TXNL4A: variants seen among roughly 807,000 people sequenced by gnomAD.
The protein encoded by TXNL4A is thioredoxin-like protein 4A.
A neutral mutation model predicts 14.6 loss-of-function variants in TXNL4A; 17 were observed. The ratio of observed to expected loss-of-function variants is 1.16; its 90% CI spans 0.80 to 1.74. The LOEUF (loss-of-function observed/expected upper bound fraction) is 1.74. Ranked by LOEUF, TXNL4A falls within the 40% of genes most tolerant of loss-of-function variation. TXNL4A has a pLI of 0.00. For synonymous variants in TXNL4A, 83 were observed against 70.6 expected, an observed-to-expected ratio of 1.18 and a Z score of -0.88; for missense variants, 74 against 195.2, an observed-to-expected ratio of 0.38 and a Z score of 3.70.
chr18:80,028,734 G>A (rs1462234553), intron 1 of TXNL4A, among the ~76,000 whole-genome samples: 3 of 152,194 alleles, frequency 2.0e-5, no homozygotes, highest in Non-Finnish European at 2.9e-5. Flanking sequence ...AAAATACAAG[G>A]CTGCAAACAT....
chr18:80,033,216 T>TGCACACATATACATGTCC (rs1360143415), intron 1 of TXNL4A, among the ~76,000 whole-genome samples: 2 of 151,986 alleles, frequency 1.3e-5, no homozygotes, highest in African/African-American at 4.8e-5. Context: ...CGCACGCACA[T>TGCACACATATACATGTCC]GCACACATAT....
At chr18:79,977,880 T>C (rs1376043057) in intron 1 of TXNL4A, 179 bp from the exon 2 acceptor site, 8 of 582,998 alleles carry the variant, frequency 1.4e-5, no homozygotes, top group South Asian at 1.1e-4. Flanking sequence ...ATCAGCTCAC[T>C]GCAGCCTCGA....
At chr18:79,975,804 T>C (rs1365081916) in intron 2 of TXNL4A, among the ~76,000 whole-genome samples, 10 of 151,180 alleles carry the variant, frequency 6.6e-5, no homozygotes, top group Non-Finnish European at 1.3e-4. Flanking sequence ...GATATTTAGC[T>C]GCGGAAACTT....
chr18:79,977,030 G>A (rs1307111092), intron 2 of TXNL4A, among the ~76,000 whole-genome samples: 1 of 151,742 alleles, frequency 6.6e-6, no homozygotes, highest in Non-Finnish European at 1.5e-5. Flanking sequence ...GCATGATCTC[G>A]GCTAACTGCA....
intron 1 of TXNL4A, among the ~76,000 whole-genome samples, chr18:80,001,700 T>C (rs1966075563): frequency 6.6e-6 from 1 of 152,216 alleles, no homozygotes; most frequent in Admixed American, 6.5e-5. Context: ...CGGACTTGCA[T>C]GGGCCTTTAG....
chr18:80,026,510 T>C (rs1270353780), intron 1 of TXNL4A, among the ~76,000 whole-genome samples: 1 of 152,184 alleles, frequency 6.6e-6, no homozygotes, highest in Non-Finnish European at 1.5e-5. Context: ...GGGAGATTAA[T>C]ATAATAACCA....
At chr18:79,991,005 G>C (rs2051624195), upstream of TXNL4A, among the ~76,000 whole-genome samples, 1 of 151,846 alleles carries the variant, frequency 6.6e-6, no homozygotes, top group African/African-American at 2.4e-5. Context: ...CTACTCGGGA[G>C]GCTGAGGCAG....
chr18:80,000,154 T>C (rs1356245116), intron 1 of TXNL4A, among the ~76,000 whole-genome samples: 1 of 152,182 alleles, frequency 6.6e-6, no homozygotes, highest in Non-Finnish European at 1.5e-5. Context: ...GAAGTAACTT[T>C]GGAACTGGGT....
intron 1 of TXNL4A, among the ~76,000 whole-genome samples, chr18:80,010,409 G>A (rs1334991009): frequency 2.6e-5 from 4 of 152,186 alleles, no homozygotes; most frequent in Admixed American, 6.5e-5. Flanking sequence ...ATGAAGCGAT[G>A]ATTCACAGAG....
In TXNL4A at chr18:79,998,403, G is replaced by A. The variant is rs556346286; in HGVS notation, c.-60-20702C>T. On this transcript the variant is annotated intron_variant, in intron 1 of 2. Coordinates refer to the TXNL4A transcript ENST00000585474. ...TGATCCTGCCTTGTGGAGTCCTGAG[G>A]GACAATCAGCTGTACAACAAATAAA... Among the ~76,000 whole-genome samples, 5 of 152,266 alleles carry A rather than the reference G, an allele frequency of 3.3e-5. No homozygotes were observed. The East Asian group carries it at 5.8e-4, about 18-fold the overall frequency.
intron 1 of TXNL4A, among the ~76,000 whole-genome samples, chr18:79,984,364 T>C (rs2051511260): frequency 6.6e-6 from 1 of 151,736 alleles, no homozygotes; most frequent in Non-Finnish European, 1.5e-5. Flanking sequence ...GAGGCTGAGG[T>C]GACTGGCTCA....
At chr18:80,028,145 C>T (rs1194317580) in intron 1 of TXNL4A, among the ~76,000 whole-genome samples, 1 of 150,416 alleles carries the variant, frequency 6.6e-6, no homozygotes, top group Non-Finnish European at 1.5e-5. Flanking sequence ...ATCCAGGGTA[C>T]TGATCCAGAA....
intron 1 of TXNL4A, among the ~76,000 whole-genome samples, chr18:80,014,429 T>TA (rs2051792840): frequency 6.6e-6 from 1 of 152,186 alleles, no homozygotes; most frequent in South Asian, 2.1e-4. Context: ...ACAAAGGGGT[T>TA]ACAGGACCCA....
chr18:80,007,810 A>C (rs186645562), intron 1 of TXNL4A, among the ~76,000 whole-genome samples: 2 of 152,128 alleles, frequency 1.3e-5, no homozygotes, highest in Non-Finnish European at 2.9e-5. Context: ...GATTACTTCT[A>C]AATTCCCCAG....
At chr18:80,005,324 T>A (rs2051722708) in intron 1 of TXNL4A, among the ~76,000 whole-genome samples, 1 of 152,192 alleles carries the variant, frequency 6.6e-6, no homozygotes, top group African/African-American at 2.4e-5. Context: ...CAAGCTCCCC[T>A]GGGGGGAGAA....
intron 1 of TXNL4A, among the ~76,000 whole-genome samples, chr18:79,998,407 A>G (rs974542560): frequency 3.9e-5 from 6 of 152,216 alleles, no homozygotes; most frequent in African/African-American, 1.4e-4. Context: ...CCTGAGGGAC[A>G]ATCAGCTGTA....
At position 79,998,703 on chromosome 18, in the gene TXNL4A, C is replaced by T. The variant is rs531978011; in HGVS notation, c.-60-21002G>A. ...CCTTACCATTTCTGTGCCACATTCT[C>T]CTGAGACCCTTCTAAACTCTCATCA... On this transcript the variant is annotated intron_variant, in intron 1 of 2. Transcript: ENST00000585474. 2.0e-5 allele frequency among the ~76,000 whole-genome samples: 3 copies of T among 149,478 alleles called. No homozygotes were observed. In the South Asian group the frequency reaches 6.6e-4, roughly 33 times the overall value.
intron 1 of TXNL4A, among the ~76,000 whole-genome samples, chr18:80,003,545 G>T (rs930694128): frequency 6.6e-6 from 1 of 151,938 alleles, no homozygotes; most frequent in Non-Finnish European, 1.5e-5. Flanking sequence ...TAATTTTTTT[G>T]TTGTTGTTAA....
chr18:80,024,822 T>C (rs1175912922), intron 1 of TXNL4A, among the ~76,000 whole-genome samples: 4 of 152,140 alleles, frequency 2.6e-5, no homozygotes, highest in Non-Finnish European at 4.4e-5. Context: ...CCAAACCGGT[T>C]CAGGAGGTAA....
Sources: allele counts gnomAD v4.1 joint callset (sites outside exome capture counted in the v4.1 genomes callset), GRCh38; gene constraint gnomAD v4.1.1; transcripts MANE v1.5; gene names NCBI Gene and HGNC (gene_info 2026-07-23, HGNC 2026-07-21).